Variants in DMBT1 observed in about 807,000 individuals in gnomAD.
The protein encoded by DMBT1 is deleted in malignant brain tumors 1.
A neutral mutation model predicts 252.9 loss-of-function variants in DMBT1; 198 were observed. The ratio of observed to expected loss-of-function variants is 0.78; its 90% confidence interval spans 0.70 to 0.88. DMBT1 has a LOEUF of 0.88. Among genes scored for constraint, DMBT1 ranks in the 40% least tolerant of loss-of-function variants. The pLI is 0.00. For synonymous variants in DMBT1, 990 were observed against 942.7 expected (o/e 1.05, Z -0.92); for missense variants, 2,432 against 2,404.7 (o/e 1.01, Z -0.24).
At position 122,600,091 on chromosome 10, in the gene DMBT1, C is replaced by T. The variant is rs765239623; in HGVS notation, c.3308C>T (p.Pro1103Leu). The T allele has an allele frequency of 6.2e-7, 1 of 1,606,700 alleles. No homozygotes were observed. Among genetic ancestry groups the T allele is most frequent in the Non-Finnish European group, 8.5e-7 (1 of 1,178,092 alleles). The change falls in exon 27 of 56, where the codon CCA becomes CTA. Residue 1103 changes from proline to leucine, a missense_variant and splice_region_variant. Around this residue, in one of 3 missense-constraint regions of DMBT1, gnomAD observed 1,264 missense variants for 1,082.2 expected, o/e 1.17. Transcript: ENST00000338354. ...SASQSRPTPSPDTWPTSHAST... is the reference protein window; with the variant it reads ...SASQSRPTPSLDTWPTSHAST... ...TCCCAGTCCCGGCCAACACCTAGTC[C>T]AGGTGGGTCCCCAGTGTCCTTCCTC...
chr10:122,569,279 G>A (rs921566085), intron 2 of DMBT1, among the ~76,000 whole-genome samples: 11 of 152,180 alleles, frequency 7.2e-5, no homozygotes, highest in African/African-American at 2.2e-4. Context: ...GACGAGGATG[G>A]AGGAACTGCT....
At position 122,643,148 on chromosome 10, in the gene DMBT1, C is replaced by G. The variant is rs770692570; in HGVS notation, c.7379C>G (p.Pro2460Arg). ...SGCVRDDTYG[P>R]YSSPSLRIAR... ...TGCGTGAGGGATGACACCTACGGAC[C>G]CTACTCCTCGCCATCTCTTCGCATT... The change falls in exon 56 of 56, where the codon CCC (proline) becomes CGC (arginine). Residue 2460 changes from proline (P) to arginine (R), a missense_variant. Physicochemically the swap from Pro to Arg is moderately radical, Grantham distance 103. Around this residue, in one of 3 missense-constraint regions of DMBT1, gnomAD observed 1,162 missense variants for 1,169.0 expected, o/e 0.99. Coordinates refer to ENST00000338354, the MANE Select transcript of DMBT1 (RefSeq NM_001377530.1). 3 of 1,613,886 alleles carry G rather than the reference C, an allele frequency of 1.9e-6. No individual in the cohort carries two copies. Among genetic ancestry groups the G allele is most frequent in the Non-Finnish European group, 2.5e-6 (3 of 1,179,864 alleles).
intron 46 of DMBT1, among the ~76,000 whole-genome samples, chr10:122,626,973 G>A (rs990990270): frequency 6.6e-6 from 1 of 152,146 alleles, no homozygotes; most frequent in East Asian, 1.9e-4. Context: ...GAAGGAGGGT[G>A]GGGTGCGGGC....
At chr10:122,587,919 T>C (rs1236367103) in intron 16 of DMBT1, among the ~76,000 whole-genome samples, 1 of 148,182 alleles carries the variant, frequency 6.7e-6, no homozygotes, top group Non-Finnish European at 1.5e-5. Flanking sequence ...ACTTCAGAGG[T>C]AGGAGGGATT....
intron 18 of DMBT1, 110 bp from the exon 19 acceptor site, chr10:122,591,369 A>C: frequency 7.9e-7 from 1 of 1,259,790 alleles, no homozygotes; most frequent in Non-Finnish European, 1.2e-6. Context: ...AGTGGCAGGA[A>C]CTAGAAATGG....
intron 52 of DMBT1, 148 bp from the exon 53 acceptor site, chr10:122,635,843 A>T: frequency 1.3e-6 from 1 of 791,966 alleles, no homozygotes; most frequent in Non-Finnish European, 2.0e-6. Context: ...AGTGTGAGCT[A>T]CTGCGCCCAG....
In DMBT1 at chr10:122,638,350, A is replaced by C. The variant is rs572819356; in HGVS notation, c.6942+1038A>C. Reference sequence around the variant, plus strand: ...TCACACCCGTTTGGAGCGGCCAGACAACTCTGTCAGCCCTGTTTCTTCTAA... The same window carrying C: ...TCACACCCGTTTGGAGCGGCCAGACCACTCTGTCAGCCCTGTTTCTTCTAA... On this transcript the variant is annotated intron_variant, in intron 54 of 55. Coordinates refer to ENST00000338354, the MANE Select transcript of DMBT1 (RefSeq NM_001377530.1). Among the ~76,000 whole-genome samples, 3 of 140,760 alleles carry C rather than the reference A, an allele frequency of 2.1e-5. No individual in the cohort carries two copies. The South Asian group carries it at 7.5e-4, about 35-fold the overall frequency. 92.3% of individuals were successfully genotyped at this position (140,760 alleles called of 152,430 possible). A position where few individuals can be genotyped will look rare whatever the true frequency, so the allele number is the denominator to read the frequency against.
chr10:122,631,196 G>A lies in DMBT1; in HGVS notation c.6261G>A (p.Thr2087=), dbSNP rs372991622. ...ITLDDVECSG[T]ESTLWQCRNR... ...TGGACGATGTAGAGTGCTCAGGGAC[G>A]GAATCCACTCTCTGGCAGTGCCGGA... is the stretch of plus-strand genomic sequence containing the variant. Residue 2087 remains threonine, a synonymous_variant, in exon 49 of 56, where the codon ACG becomes ACA. Transcript: ENST00000338354. 35 of 1,613,874 alleles carry A rather than the reference G, an allele frequency of 2.2e-5. No individual in the cohort carries two copies. The African/African-American group carries it at 2.4e-4, about 11-fold the overall frequency.
rs575140543 is a variant in DMBT1, at chr10:122,594,291, G to A, written c.2531-205G>A. On this transcript the variant is annotated intron_variant, in intron 21 of 55. Transcript: ENST00000338354. ...AAAGATACCCCAGGATTAGAGAAAT[G>A]GAGGGCTCAGTCTGGTCTCCAGCAG... Among the ~76,000 whole-genome samples, 249 of 132,356 alleles carry A rather than the reference G, an allele frequency of 1.9e-3. 1 individual carries two copies. Among genetic ancestry groups the A allele is most frequent in the African/African-American group, 5.9e-3 (229 of 38,732 alleles). The allele number at this position is 132,356 out of a possible 152,430, so 86.8% of individuals were successfully genotyped here.
At chr10:122,598,318 G>A (rs999864825) in intron 25 of DMBT1, among the ~76,000 whole-genome samples, 8 of 152,166 alleles carry the variant, frequency 5.3e-5, no homozygotes, top group African/African-American at 1.4e-4. Flanking sequence ...CTGTCCCTCA[G>A]CCCATGGGCT....
Position 122,561,470 on chromosome 10 carries a change from G to A in DMBT1, c.61+639G>A, listed in dbSNP as rs534408786. Among the ~76,000 whole-genome samples the A allele has an allele frequency of 3.9e-5, 6 of 152,266 alleles. No homozygotes were observed. In the East Asian group the frequency reaches 7.7e-4, roughly 20 times the overall value. ...TAAACGTGAGAGAGCCGTCGGTAGC[G>A]CACTCTGATTGCTGCATCTCAATGG... On this transcript the variant is annotated intron_variant, in intron 1 of 55. Coordinates refer to ENST00000338354, the MANE Select transcript of DMBT1 (RefSeq NM_001377530.1).
At chr10:122,627,826 G>A (rs1391117008) in intron 46 of DMBT1, among the ~76,000 whole-genome samples, 2 of 152,144 alleles carry the variant, frequency 1.3e-5, no homozygotes, top group African/African-American at 4.8e-5. Context: ...ATATATAAGT[G>A]ACTCTTGTAG....
At position 122,586,339 on chromosome 10, in the gene DMBT1, C is replaced by T; in HGVS notation, c.1739C>T (p.Ser580Phe). Residue 580 changes from serine (S) to phenylalanine (F), a missense_variant, in exon 16 of 56, where the codon TCC becomes TTC. By Grantham distance (155) the Ser-to-Phe change is radical. Transcript: ENST00000338354. Reference sequence around the variant, plus strand: ...AGCTGCCCCCACAATGGCTGGCTCTCCCATAACTGTGGCCATAGTGAAGAC... The same window carrying T: ...AGCTGCCCCCACAATGGCTGGCTCTTCCATAACTGTGGCCATAGTGAAGAC... ...LWSCPHNGWL[S>F]HNCGHSEDAG... The T allele has an allele frequency of 1.3e-6, 2 of 1,588,736 alleles. No individual in the cohort carries two copies. The highest frequency in any genetic ancestry group is 1.7e-6 in the Non-Finnish European group (2 of 1,165,886).
At chr10:122,620,744 C>A (rs2098058507) in intron 43 of DMBT1, among the ~76,000 whole-genome samples, 1 of 152,238 alleles carries the variant, frequency 6.6e-6, no homozygotes, top group Non-Finnish European at 1.5e-5. Context: ...GTCTTGGCCT[C>A]CTATCTGGAG....
At chr10:122,585,404 C>G (rs545545689) in intron 15 of DMBT1, 95 bp downstream of exon 15, 1 of 1,443,028 alleles carries the variant, frequency 6.9e-7, no homozygotes, top group African/African-American at 1.4e-5. Context: ...AGGTGGGCCC[C>G]TCTGTTTTTC....
chr10:122,592,558 C>A lies in DMBT1; in HGVS notation c.2463C>A (p.Asn821Lys). 6.3e-7 allele frequency: 1 copy of A among 1,588,492 alleles called. No homozygotes were observed. Residue 821 changes from asparagine (N) to lysine (K), a missense_variant, in exon 20 of 56, where the codon AAC becomes AAA. Physicochemically the swap from Asn to Lys is moderately conservative, Grantham distance 94. Around this residue, in one of 3 missense-constraint regions of DMBT1, gnomAD observed 1,264 missense variants for 1,082.2 expected, o/e 1.17. Coordinates refer to ENST00000338354, the MANE Select transcript of DMBT1 (RefSeq NM_001377530.1). ...SCPHNGWLSH[N>K]CGHHEDAGVI... The stretch of plus-strand genomic sequence containing the variant: ...CCCACAATGGCTGGCTCTCCCACAA[C>A]TGTGGCCATCATGAAGATGCTGGTG...
At chr10:122,580,004 CTA>C in intron 10 of DMBT1, 103 bp downstream of exon 10, 1 of 1,566,546 alleles carries the variant, frequency 6.4e-7, no homozygotes, top group Non-Finnish European at 8.6e-7. Flanking sequence ...TCTATGTTTT[CTA>C]TGTTTCTGAA....
At chr10:122,633,157 G>C in intron 51 of DMBT1, 34 bp from the exon 52 acceptor site, 1 of 1,611,600 alleles carries the variant, frequency 6.2e-7, no homozygotes, top group South Asian at 1.1e-5. Flanking sequence ...TGTGCTCTGG[G>C]GGTCACCGAC....
Position 122,597,146 on chromosome 10 carries a change from G to A in DMBT1, c.2917+92G>A, listed in dbSNP as rs571153452. On this transcript the variant is annotated intron_variant, in intron 24 of 55. Transcript: ENST00000338354. ...CCACAGAGCCCTCGTTCTTCTCTGA[G>A]TGAATACTACATGGCATACAATTTT... The A allele has an allele frequency of 1.5e-3, 332 of 219,684 alleles. 2 individuals are homozygous for A. The highest frequency in any genetic ancestry group is 7.8e-3 in the African/African-American group (290 of 37,192). The allele number at this position is 219,684 out of a possible 1,614,324, so 13.6% of individuals were successfully genotyped here.
Sources: gnomAD v4.1 joint callset for allele counts (sites outside exome capture counted in the v4.1 genomes callset) on GRCh38, gnomAD v4.1.1 for gene constraint, gnomAD v4.1.1 regional missense constraint, MANE v1.5 for transcripts, NCBI Gene and HGNC (gene_info 2026-07-23, HGNC 2026-07-21) for gene names.